The following XPO5 variants were observed in gnomAD, a reference collection of about 807,000 sequenced individuals.
The protein encoded by XPO5 is exportin-5.
In XPO5, 46 loss-of-function variants were observed where a neutral mutation model predicts 160.6. The ratio of observed to expected loss-of-function variants is 0.29; its 90% CI spans 0.23 to 0.37. The LOEUF (loss-of-function observed/expected upper bound fraction) is 0.37, where lower values mean the gene tolerates loss of function less well. Ranked by LOEUF, XPO5 falls within the 10% of genes least tolerant of loss-of-function variation. The pLI is 1.00. For synonymous variants in XPO5, 537 were observed against 519.3 expected, an observed-to-expected ratio of 1.03 and a Z score of -0.46; for missense variants, 1,090 against 1,463.9, an observed-to-expected ratio of 0.74 and a Z score of 4.17.
At chr6:43,533,595 T>G (rs1582204099) in intron 21 of XPO5, 1 of 202,732 alleles carries the variant, frequency 4.9e-6, no homozygotes, top group East Asian at 1.2e-4. Flanking sequence ...TCTAGTGCTT[T>G]AAAGGCCATG....
intron 20 of XPO5, among the ~76,000 whole-genome samples, chr6:43,544,427 AAG>A (rs1397869373): frequency 6.6e-6 from 1 of 152,190 alleles, no homozygotes; most frequent in Non-Finnish European, 1.5e-5. Flanking sequence ...TTTTTAAAAA[AAG>A]AAAATTATAT....
chr6:43,546,521 T>G (rs887434358), intron 20 of XPO5, 50 bp downstream of exon 20: 1 of 1,545,424 alleles, frequency 6.5e-7, no homozygotes. Flanking sequence ...CTTTTGAAAT[T>G]TTTAAGGTAA....
chr6:43,526,910 G>T, intron 26 of XPO5, 163 bp from the exon 27 acceptor site: 1 of 666,552 alleles, frequency 1.5e-6, no homozygotes, highest in Non-Finnish European at 2.7e-6. Context: ...AGAAATAGAG[G>T]CATTCTGATG....
At chr6:43,543,397 G>A (rs554617606) in intron 20 of XPO5, among the ~76,000 whole-genome samples, 2 of 152,160 alleles carry the variant, frequency 1.3e-5, no homozygotes, top group East Asian at 1.9e-4. Flanking sequence ...AGGCTGCAGT[G>A]AGCCGTGATC....
intron 7 of XPO5, among the ~76,000 whole-genome samples, chr6:43,566,350 C>A (rs549760172): frequency 6.6e-6 from 1 of 151,888 alleles, no homozygotes; most frequent in African/African-American, 2.4e-5. Flanking sequence ...GCTGAGATTG[C>A]GCCACTGCAC....
rs142694671 is a variant in XPO5 at position 43,558,470 on chromosome 6, T to C, written c.1312+31A>G. On this transcript the variant is annotated intron_variant, in intron 12 of 31. Coordinates refer to ENST00000265351, the MANE Select transcript of XPO5 (RefSeq NM_020750.3). Reference sequence around the variant, plus strand: ...AATACTAGATGCCATTCTGAGACTGTTGAGAGAAATCCAAGGCCAACATCA... The same window carrying C: ...AATACTAGATGCCATTCTGAGACTGCTGAGAGAAATCCAAGGCCAACATCA... The C allele has an allele frequency of 2.8e-4, 429 of 1,554,114 alleles. 1 individual carries two copies. In the African/African-American group the frequency reaches 5.0e-3, roughly 18 times the overall value.
chr6:43,542,737 A>G lies in XPO5; in HGVS notation c.2342+3834T>C, dbSNP rs118115684. Among the ~76,000 whole-genome samples the G allele has an allele frequency of 4.7e-4, 72 of 152,298 alleles. 1 individual carries two copies. The East Asian group carries it at 0.012, about 26-fold the overall frequency. On this transcript the variant is annotated intron_variant, in intron 20 of 31. Coordinates refer to ENST00000265351, the MANE Select transcript of XPO5 (RefSeq NM_020750.3). Reference sequence around the variant, plus strand: ...CACTGTGCCCAGCCAAAAAATAGTAATTTAAAACTCCCAACTCCAGCATAT... The same window carrying G: ...CACTGTGCCCAGCCAAAAAATAGTAGTTTAAAACTCCCAACTCCAGCATAT...
intron 18 of XPO5, 45 bp from the exon 19 acceptor site, chr6:43,547,752 C>T (rs1329901773): frequency 1.3e-6 from 2 of 1,568,046 alleles, no homozygotes; most frequent in Non-Finnish European, 1.8e-6. Context: ...TGACTTTAAA[C>T]AAGGACAGTT....
intron 31 of XPO5, 52 bp downstream of exon 31, chr6:43,524,419 A>G (rs931739609): frequency 3.8e-6 from 6 of 1,586,008 alleles, no homozygotes; most frequent in African/African-American, 2.7e-5. Context: ...GTTTGCCCAT[A>G]CACATGATTT....
chr6:43,560,126 CTTA>C (rs1762339543), intron 11 of XPO5, 49 bp downstream of exon 11: 20 of 1,587,752 alleles, frequency 1.3e-5, no homozygotes, highest in Non-Finnish European at 1.4e-5. Context: ...GCCTCAAAGT[CTTA>C]TTATGTGTAT....
At position 43,525,231 on chromosome 6, in the gene XPO5, G is replaced by T; in HGVS notation, c.3067-17C>A. The T allele has an allele frequency of 6.4e-7, 1 of 1,559,678 alleles. No homozygotes were observed. The highest frequency in any genetic ancestry group is 1.4e-5 in the African/African-American group (1 of 73,640). ...ACAAACATCCTGAACAGGAAAAGAT[G>T]AAGAGTTACAATGGAAAAAGAAGCA... On this transcript the variant is annotated splice_polypyrimidine_tract_variant and intron_variant, in intron 28 of 31. Transcript: ENST00000265351.
intron 14 of XPO5, 59 bp downstream of exon 14, chr6:43,553,314 G>C: frequency 1.3e-6 from 2 of 1,547,970 alleles, no homozygotes; most frequent in South Asian, 1.2e-5. Context: ...AATAGAAAGA[G>C]AAAAGAAAAG....
intron 23 of XPO5, chr6:43,529,603 G>A (rs1265130516): frequency 5.4e-6 from 1 of 183,694 alleles, no homozygotes; most frequent in Admixed American, 5.6e-5. Flanking sequence ...ATTAATAAGG[G>A]TCTGAATGAG....
At position 43,575,807 on chromosome 6, in the gene XPO5, T is replaced by C. The variant is rs1338457050; in HGVS notation, c.58A>G (p.Met20Val). 1 of 1,613,834 alleles carries C rather than the reference T, an allele frequency of 6.2e-7. No individual in the cohort carries two copies. The highest frequency in any genetic ancestry group is 8.5e-7 in the Non-Finnish European group (1 of 1,179,780). The change falls in exon 1 of 32, where the codon ATG (methionine) becomes GTG (valine). Residue 20 changes from methionine to valine, a missense_variant. Coordinates refer to ENST00000265351, the MANE Select transcript of XPO5 (RefSeq NM_020750.3). ...CGCTGGGTGGAGTTGGGGTCCATCA[T>C]GACCGTCACCGCTTTCACCAGCTGC... ...CEQLVKAVTV[M>V]MDPNSTQRYR... is the part of the protein sequence containing the mutation.
chr6:43,527,981 C>CA (rs1793707300), intron 25 of XPO5, among the ~76,000 whole-genome samples, 178 bp downstream of exon 25: 1 of 152,204 alleles, frequency 6.6e-6, no homozygotes, highest in Non-Finnish European at 1.5e-5. Context: ...GGCTGGATCT[C>CA]AGAGTCTGCC....
intron 25 of XPO5, 123 bp downstream of exon 25, chr6:43,528,036 G>T: frequency 1.9e-6 from 2 of 1,029,948 alleles, no homozygotes; most frequent in South Asian, 1.5e-5. Context: ...CACCTAGGCT[G>T]AGAATGACTA....
At chr6:43,541,223 T>A (rs1364543860) in intron 20 of XPO5, among the ~76,000 whole-genome samples, 1 of 152,148 alleles carries the variant, frequency 6.6e-6, no homozygotes, top group Non-Finnish European at 1.5e-5. Flanking sequence ...CAATAATAAT[T>A]TTGATTGTAC....
chr6:43,536,241 C>T (rs1794314591), intron 20 of XPO5, among the ~76,000 whole-genome samples: 1 of 151,926 alleles, frequency 6.6e-6, no homozygotes, highest in Non-Finnish European at 1.5e-5. Flanking sequence ...ATGGTGAAAC[C>T]CTGTCTCTAC....
rs1286964120 is a variant in XPO5, at chr6:43,546,717, C to G, written c.2196G>C (p.Val732=). 6.2e-7 allele frequency: 1 copy of G among 1,611,340 alleles called. No individual in the cohort carries two copies. The highest frequency in any genetic ancestry group is 8.5e-7 in the Non-Finnish European group (1 of 1,178,900). Residue 732 remains valine, a synonymous_variant, in exon 20 of 32, where the codon GTG becomes GTC. Transcript: ENST00000265351. ...GGTCAGTGGGCCAGCAAGTTCGTTTCACCACACCCAGAATGCTGTATACAC... is the reference window on the plus strand; with the variant it reads ...GGTCAGTGGGCCAGCAAGTTCGTTTGACCACACCCAGAATGCTGTATACAC... ...SFCVYSILGV[V]KRTCWPTDLE...
Sources: allele counts gnomAD v4.1 joint callset (sites outside exome capture counted in the v4.1 genomes callset), GRCh38; gene constraint gnomAD v4.1.1; transcripts MANE v1.5; gene names NCBI Gene and HGNC (gene_info 2026-07-23, HGNC 2026-07-21).